The following SLC16A9 variants were observed in gnomAD, a reference collection of about 807,000 sequenced individuals.
SLC16A9 encodes the protein monocarboxylate transporter 9.
A neutral mutation model predicts 44.3 loss-of-function variants in SLC16A9; 26 were observed. That is an observed-to-expected ratio of 0.59 (90% CI 0.43 to 0.81). SLC16A9 has a LOEUF of 0.81. SLC16A9 is among the 40% of genes least tolerant of loss of function. SLC16A9 has a pLI of 0.00. For missense variants in SLC16A9, 559 were observed against 595.8 expected (o/e 0.94, Z 0.64); for synonymous variants, 230 against 225.1 (o/e 1.02, Z -0.19).
At chr10:59,675,206 TG>T (rs1839833344) in intron 2 of SLC16A9, among the ~76,000 whole-genome samples, 1 of 152,142 alleles carries the variant, frequency 6.6e-6, no homozygotes, top group Admixed American at 6.5e-5. Flanking sequence ...TTAAAAATGG[TG>T]AAACTGGAAC....
chr10:59,661,843 C>A lies in SLC16A9; in HGVS notation c.436+2384G>T, dbSNP rs185053422. On this transcript the variant is annotated intron_variant, in intron 4 of 5. Transcript: ENST00000395348. Reference sequence around the variant, plus strand: ...AGAAATAACACCACACATATACAACCATCTGATCTTTGACAAACCTGACAA... The same window carrying A: ...AGAAATAACACCACACATATACAACAATCTGATCTTTGACAAACCTGACAA... 8.4e-4 allele frequency among the ~76,000 whole-genome samples: 127 copies of A among 151,610 alleles called. 2 individuals are homozygous for A. The highest frequency in any genetic ancestry group is 6.8e-3 in the Admixed American group (103 of 15,218).
rs535991556 is a variant in SLC16A9, at chr10:59,673,018, T to C, written c.197-105A>G. The C allele has an allele frequency of 6.9e-6, 7 of 1,021,180 alleles. No individual in the cohort carries two copies. In the South Asian group the frequency reaches 1.2e-4, roughly 17 times the overall value. The allele number at this position is 1,021,180 out of a possible 1,614,324, so 63.3% of individuals were successfully genotyped here. A position where few individuals can be genotyped will look rare whatever the true frequency, so the allele number is the denominator to read the frequency against. ...AACAACAAAAATAAAATGCACTGAG[T>C]ATTTATGATATGCAGACACTATATG... On this transcript the variant is annotated intron_variant, in intron 2 of 5. Coordinates refer to ENST00000395348, the MANE Select transcript of SLC16A9 (RefSeq NM_194298.3).
Position 59,703,717 on chromosome 10 carries a change from T to C in SLC16A9, c.-37+5762A>G, listed in dbSNP as rs185449375. ...GTAAATTTGAATGAATTGCTGATTTTTTTTTTTCGTTTTTTTTTTGAGACG... is the reference window on the plus strand; with the variant it reads ...GTAAATTTGAATGAATTGCTGATTTCTTTTTTTCGTTTTTTTTTTGAGACG... On this transcript the variant is annotated intron_variant, in intron 1 of 5. Transcript: ENST00000395348. 7.2e-5 allele frequency among the ~76,000 whole-genome samples: 11 copies of C among 152,186 alleles called. No homozygotes were observed. In the East Asian group the frequency reaches 1.9e-3, roughly 27 times the overall value.
At chr10:59,660,041 G>T (rs1221324064) in intron 4 of SLC16A9, among the ~76,000 whole-genome samples, 2 of 152,166 alleles carry the variant, frequency 1.3e-5, no homozygotes, top group Non-Finnish European at 2.9e-5. Context: ...GCCCACAGGA[G>T]AAAGTGGGAA....
At position 59,691,735 on chromosome 10, in the gene SLC16A9, C is replaced by CGATTATGTTTAGTT. The variant is rs577219079; in HGVS notation, c.-36-7409_-36-7408insAACTAAACATAATC. Among the ~76,000 whole-genome samples the CGATTATGTTTAGTT allele has an allele frequency of 1.1e-4, 17 of 152,286 alleles. 2 individuals are homozygous for CGATTATGTTTAGTT. In the South Asian group the frequency reaches 3.5e-3, roughly 32 times the overall value. ...TTCATTCACAATAAAGCTTTAAGTT[C>CGATTATGTTTAGTT]CAGCACCTTCGATTATGTTTAGTTC... On this transcript the variant is annotated intron_variant, in intron 1 of 5. Coordinates refer to ENST00000395348, the MANE Select transcript of SLC16A9 (RefSeq NM_194298.3).
chr10:59,663,652 A>C (rs542679627), intron 4 of SLC16A9, among the ~76,000 whole-genome samples: 19 of 152,186 alleles, frequency 1.2e-4, no homozygotes, highest in African/African-American at 3.9e-4. Flanking sequence ...AGAAATACCT[A>C]ATGTAGATCA....
intron 5 of SLC16A9, among the ~76,000 whole-genome samples, chr10:59,653,288 T>G (rs1392330589): frequency 1.3e-5 from 2 of 150,434 alleles, no homozygotes; most frequent in African/African-American, 2.4e-5. Context: ...TAGCCGGGCG[T>G]GGTGGCAGGT....
intron 2 of SLC16A9, among the ~76,000 whole-genome samples, chr10:59,681,398 A>AGT (rs71006282): frequency 0.011 from 379 of 35,448 alleles, 133 homozygotes; most frequent in Middle Eastern, 0.028. Context: ...CAATATCTAA[A>AGT]GTATATATAT....
At chr10:59,673,368 T>G (rs1296146127) in intron 2 of SLC16A9, among the ~76,000 whole-genome samples, 2 of 152,168 alleles carry the variant, frequency 1.3e-5, no homozygotes, top group Admixed American at 1.3e-4. Flanking sequence ...TTGTTCTACA[T>G]GTAAGTGGGC....
rs1425139321 is a variant in SLC16A9, at chr10:59,654,323, C to T, written c.703G>A (p.Glu235Lys). The change falls in exon 5 of 6, where the codon GAG (glutamate) becomes AAG (lysine). Residue 235 changes from glutamate (E) to lysine (K), a missense_variant. Glu to Lys is a moderately conservative substitution (Grantham distance 56). Coordinates refer to ENST00000395348, the MANE Select transcript of SLC16A9 (RefSeq NM_194298.3). The stretch of plus-strand genomic sequence containing the variant: ...GCTAACGTGATCCTGCATTTTTCCT[C>T]ACTACTGTAGCTCTTGTCAAGAATG... ...INILDKSYSS[E>K]EKCRITLANG... is the part of the protein sequence containing the mutation. The T allele has an allele frequency of 1.2e-6, 2 of 1,614,132 alleles. No homozygotes were observed. Among genetic ancestry groups the T allele is most frequent in the South Asian group, 1.1e-5 (1 of 91,082 alleles).
chr10:59,675,455 T>A (rs1839837667), intron 2 of SLC16A9, among the ~76,000 whole-genome samples: 1 of 152,000 alleles, frequency 6.6e-6, no homozygotes, highest in Admixed American at 6.5e-5. Flanking sequence ...AACCATCAGG[T>A]GATGGTCAGA....
intron 1 of SLC16A9, among the ~76,000 whole-genome samples, chr10:59,703,409 A>G (rs1477763306): frequency 6.6e-6 from 1 of 152,242 alleles, no homozygotes; most frequent in Non-Finnish European, 1.5e-5. Context: ...TTTTATCAAT[A>G]GTGCGGCTAT....
intron 4 of SLC16A9, among the ~76,000 whole-genome samples, chr10:59,657,776 G>A (rs1297107341): frequency 2.0e-5 from 3 of 152,100 alleles, no homozygotes; most frequent in African/African-American, 4.8e-5. Context: ...CCTTTCATAT[G>A]TCCAATAACC....
Position 59,654,592 on chromosome 10 carries a change from A to G in SLC16A9, c.437-3T>C, listed in dbSNP as rs371109066. 6.4e-7 allele frequency: 1 copy of G among 1,564,522 alleles called. No homozygotes were observed. The highest frequency in any genetic ancestry group is 8.6e-7 in the Non-Finnish European group (1 of 1,162,204). On this transcript the variant is annotated splice_region_variant and splice_polypyrimidine_tract_variant and intron_variant, in intron 4 of 5. Coordinates refer to ENST00000395348, the MANE Select transcript of SLC16A9 (RefSeq NM_194298.3). The stretch of plus-strand genomic sequence containing the variant: ...TATGAAAAGGCCAACGCTTGAACCT[A>G]AAAAGGGAATGGGAACTGTTCAACC...
rs1399737310 is a variant in SLC16A9, at chr10:59,673,033, G to C, written c.197-120C>G. ...ATGCACTGAGTATTTATGATATGCAGACACTATATGAGGCAGTTCACATGA... is the reference window on the plus strand; with the variant it reads ...ATGCACTGAGTATTTATGATATGCACACACTATATGAGGCAGTTCACATGA... On this transcript the variant is annotated intron_variant, in intron 2 of 5. Transcript: ENST00000395348. The C allele has an allele frequency of 3.2e-5, 28 of 872,298 alleles. 1 individual carries two copies. The highest frequency in any genetic ancestry group is 4.7e-5 in the Non-Finnish European group (27 of 572,420). The allele number at this position is 872,298 out of a possible 1,614,324, so 54.0% of individuals were successfully genotyped here.
At chr10:59,662,633 C>CAAAAAAAAAAAAA (rs71006278) in intron 4 of SLC16A9, among the ~76,000 whole-genome samples, 31 of 43,546 alleles carry the variant, frequency 7.1e-4, no homozygotes, top group South Asian at 1.0e-3. Context: ...AACTCCATCT[C>CAAAAAAAAAAAAA]AAAAAAAAAA....
chr10:59,695,850 G>C (rs1840359263), intron 1 of SLC16A9, among the ~76,000 whole-genome samples: 1 of 152,130 alleles, frequency 6.6e-6, no homozygotes, highest in Non-Finnish European at 1.5e-5. Flanking sequence ...GGTACATATG[G>C]AGGAAGGAGA....
chr10:59,655,009 C>G (rs188066492), intron 4 of SLC16A9, among the ~76,000 whole-genome samples: 5 of 152,228 alleles, frequency 3.3e-5, no homozygotes, highest in Admixed American at 6.5e-5. Context: ...CAAGTATCAT[C>G]GGCTGGGTGT....
intron 1 of SLC16A9, among the ~76,000 whole-genome samples, chr10:59,708,055 G>A (rs1352515001): frequency 6.6e-6 from 1 of 152,194 alleles, no homozygotes; most frequent in Non-Finnish European, 1.5e-5. Context: ...TTATTAGGGG[G>A]TCGGTGGTGC....
Sources: gnomAD v4.1 joint callset for allele counts (sites outside exome capture counted in the v4.1 genomes callset) on GRCh38, gnomAD v4.1.1 for gene constraint, MANE v1.5 for transcripts, NCBI Gene and HGNC (gene_info 2026-07-23, HGNC 2026-07-21) for gene names.